MIAT: variants seen among roughly 807,000 people sequenced by gnomAD.
MIAT encodes myocardial infarction associated transcript, also known as MI related novel mRNA.
downstream of MIAT, chr22:26,670,794 T>C (rs1388687343): frequency 5.0e-6 from 2 of 398,376 alleles, no homozygotes; most frequent in Non-Finnish European, 8.8e-6. Context: ...CGTTTAGAAC[T>C]GTGGGAGATG....
chr22:26,673,181 A>T (rs1442157413), downstream of MIAT: 5 of 398,546 alleles, frequency 1.3e-5, no homozygotes, highest in Non-Finnish European at 2.2e-5. Context: ...GTTCCCGCAG[A>T]TGCTCAGGCC....
exon 6 of MIAT, chr22:26,668,420 C>A (rs946966509): frequency 5.0e-6 from 2 of 398,796 alleles, no homozygotes; most frequent in Non-Finnish European, 8.8e-6. Context: ...GGAGGCCTGG[C>A]AGCCCACTAC....
chr22:26,670,373 A>G (rs568048201), downstream of MIAT: 3 of 398,464 alleles, frequency 7.5e-6, no homozygotes, highest in South Asian at 2.5e-4. Context: ...ACCAGCTCAC[A>G]TGGAGAATCA....
chr22:26,663,083 G>A (rs750602751), intron 2 of MIAT, among the ~76,000 whole-genome samples: 12 of 152,202 alleles, frequency 7.9e-5, no homozygotes, highest in African/African-American at 1.4e-4. Context: ...ACAGTTTGCC[G>A]GTGGCAGAGC....
Position 26,654,964 on chromosome 22 carries a change from G to A in MIAT, n.646+7653G>A, listed in dbSNP as rs1428764333. 3.3e-5 allele frequency among the ~76,000 whole-genome samples: 5 copies of A among 152,030 alleles called. No homozygotes were observed. The East Asian group carries it at 5.8e-4, about 18-fold the overall frequency. The stretch of plus-strand genomic sequence containing the variant: ...CCTGACCTCATGATCCGCCCGCCTC[G>A]GCCTCCCAAAGTGCTGGGATTACAG... On this transcript the variant is annotated intron_variant and non_coding_transcript_variant, in intron 2 of 5. Coordinates refer to ENST00000643270, the Ensembl canonical transcript of MIAT.
chr22:26,668,992 A>C (rs986525363), exon 6 of MIAT: 1 of 398,518 alleles, frequency 2.5e-6, no homozygotes, highest in East Asian at 3.6e-5. Flanking sequence ...AAAGGGAACC[A>C]GTCTTACCCA....
chr22:26,658,019 C>T (rs894984965), intron 2 of MIAT, among the ~76,000 whole-genome samples: 18 of 149,010 alleles, frequency 1.2e-4, no homozygotes, highest in Middle Eastern at 6.8e-3. Flanking sequence ...CCTTCTCGGT[C>T]CACCAGGTTA....
exon 5 of MIAT, chr22:26,674,751 C>T (rs1397608869): frequency 5.0e-6 from 2 of 398,646 alleles, no homozygotes; most frequent in Admixed American, 4.4e-5. Flanking sequence ...CTAGTGGCTG[C>T]CTTGCTCCAT....
intron 3 of MIAT, chr22:26,665,375 T>C (rs1371030021): frequency 2.5e-6 from 1 of 397,954 alleles, no homozygotes; most frequent in Non-Finnish European, 4.4e-6. Flanking sequence ...CCAAAGCCCA[T>C]ACCTTCCTTT....
chr22:26,651,194 C>T (rs1035522810), intron 2 of MIAT, among the ~76,000 whole-genome samples: 1 of 152,340 alleles, frequency 6.6e-6, no homozygotes, highest in South Asian at 2.1e-4. Context: ...CTGCTGAACT[C>T]AGGGAGCCCC....
At chr22:26,675,856 C>A in exon 5 of MIAT, 1 of 398,638 alleles carries the variant, frequency 2.5e-6, no homozygotes. Context: ...AAAAATATGC[C>A]TTGGTGGGTA....
chr22:26,658,789 A>T (rs940191409), intron 2 of MIAT, among the ~76,000 whole-genome samples: 1 of 151,906 alleles, frequency 6.6e-6, no homozygotes, highest in East Asian at 2.0e-4. Context: ...GGAGGGGAGG[A>T]AGTATGAGAG....
downstream of MIAT, chr22:26,671,937 G>C (rs1484707578): frequency 2.5e-6 from 1 of 398,292 alleles, no homozygotes; most frequent in Admixed American, 4.4e-5. Flanking sequence ...AGATCCTTCT[G>C]CCTGGGGCAA....
At position 26,667,998 on chromosome 22, in the gene MIAT, C is replaced by T. The variant is rs565525296; in HGVS notation, n.2263-160C>T. On this transcript the variant is annotated intron_variant and non_coding_transcript_variant, in intron 5 of 5. Coordinates refer to ENST00000643270, the Ensembl canonical transcript of MIAT. ...AGTTTCTTCTAAAAATGTTTCATGT[C>T]CAAAACCCTCACTTCCACCCTGTGT... 11 of 396,236 alleles carry T rather than the reference C, an allele frequency of 2.8e-5. No individual in the cohort carries two copies. The South Asian group carries it at 7.1e-4, about 26-fold the overall frequency. 24.5% of individuals were successfully genotyped at this position (396,236 alleles called of 1,614,324 possible).
chr22:26,671,156 G>C (rs1340404094), downstream of MIAT: 1 of 398,536 alleles, frequency 2.5e-6, no homozygotes, highest in Admixed American at 4.4e-5. Flanking sequence ...CAGGCAGGGG[G>C]TTTCTGTCTA....
chr22:26,649,042 C>T (rs1930290713), intron 2 of MIAT, among the ~76,000 whole-genome samples: 1 of 151,762 alleles, frequency 6.6e-6, no homozygotes, highest in African/African-American at 2.4e-5. Flanking sequence ...GGAAAAAATT[C>T]AGAAAAATAA....
intron 2 of MIAT, among the ~76,000 whole-genome samples, chr22:26,647,913 T>G (rs1930265270): frequency 6.6e-6 from 1 of 151,454 alleles, no homozygotes; most frequent in African/African-American, 2.4e-5. Flanking sequence ...GAAGGAAGGG[T>G]GAGTGTGAAA....
chr22:26,659,199 C>G (rs1367995491), intron 2 of MIAT, among the ~76,000 whole-genome samples: 1 of 152,132 alleles, frequency 6.6e-6, no homozygotes, highest in East Asian at 1.9e-4. Context: ...GTGCCCCCAC[C>G]TCGCCCCTCA....
intron 2 of MIAT, among the ~76,000 whole-genome samples, chr22:26,652,277 G>A (rs756366520): frequency 6.6e-6 from 1 of 152,162 alleles, no homozygotes; most frequent in South Asian, 2.1e-4. Context: ...CTGACAAAGC[G>A]TTGGAATTAC....
Sources: allele counts gnomAD v4.1 joint callset (sites outside exome capture counted in the v4.1 genomes callset), GRCh38; gene constraint gnomAD v4.1.1; transcripts MANE v1.5; gene names NCBI Gene and HGNC (gene_info 2026-07-23, HGNC 2026-07-21).